LMNB2: variants seen among roughly 807,000 people sequenced by gnomAD.
The protein encoded by LMNB2 is lamin B2.
In LMNB2, 17 loss-of-function variants were observed where a neutral mutation model predicts 69.3. That is an observed-to-expected ratio of 0.25 (90% confidence interval 0.17 to 0.37). The LOEUF (loss-of-function observed/expected upper bound fraction) is 0.37. LMNB2 is among the 10% of genes least tolerant of loss of function. LMNB2 has a pLI of 1.00. For synonymous variants in LMNB2, 397 were observed against 389.3 expected, an observed-to-expected ratio of 1.02 and a Z score of -0.23; for missense variants, 789 against 883.6, an observed-to-expected ratio of 0.89 and a Z score of 1.36.
intron 2 of LMNB2, among the ~76,000 whole-genome samples, chr19:2,440,235 G>C (rs1469463358): frequency 2.7e-5 from 4 of 149,198 alleles, no homozygotes; most frequent in African/African-American, 9.9e-5. Context: ...TTGTTGCCCA[G>C]GCTGGAGTGC....
chr19:2,444,475 C>T lies in LMNB2; in HGVS notation c.330G>A (p.Thr110=), dbSNP rs141214064. The change falls in exon 2 of 12, where the codon ACG becomes ACA. Residue 110 remains threonine (T), a synonymous_variant. Transcript: ENST00000325327. ...LADARRVLDE[T]ARERARLQIE... ...TCTGCAGCCGGGCACGCTCTCGAGCCGTCTCATCCAGGACTCTCCGGGCAT... is the reference window on the plus strand; with the variant it reads ...TCTGCAGCCGGGCACGCTCTCGAGCTGTCTCATCCAGGACTCTCCGGGCAT... 29 of 1,613,606 alleles carry T rather than the reference C, an allele frequency of 1.8e-5. No homozygotes were observed. Among genetic ancestry groups the T allele is most frequent in the Middle Eastern group, 1.6e-4 (1 of 6,062 alleles).
chr19:2,439,953 G>A (rs1257290887), intron 2 of LMNB2, among the ~76,000 whole-genome samples: 3 of 151,862 alleles, frequency 2.0e-5, no homozygotes, highest in East Asian at 1.9e-4. Flanking sequence ...GGCTGGTCTC[G>A]AACTCCCAAC....
chr19:2,448,464 A>G (rs1971984009), intron 1 of LMNB2, among the ~76,000 whole-genome samples: 1 of 152,224 alleles, frequency 6.6e-6, no homozygotes, highest in Non-Finnish European at 1.5e-5. Flanking sequence ...AGCCCGTTCA[A>G]GGTGAGAAAA....
intron 1 of LMNB2, among the ~76,000 whole-genome samples, chr19:2,448,606 G>A (rs9676891): frequency 0.021 from 3,270 of 152,274 alleles, 115 homozygotes; most frequent in African/African-American, 0.074. Flanking sequence ...CCAGCACTTT[G>A]GGAGGCTGAG....
At position 2,430,790 on chromosome 19, in the gene LMNB2, G is replaced by A. The variant is rs566675422; in HGVS notation, c.*121C>T. The stretch of plus-strand genomic sequence containing the variant: ...AGGGCTGGGGGAGACCCACCCACAC[G>A]TTCTGGCAGTTCGCTTAGAAATTCT... On this transcript the variant is annotated 3_prime_UTR_variant, in exon 12 of 12. Coordinates refer to ENST00000325327, the MANE Select transcript of LMNB2 (RefSeq NM_032737.4). The A allele has an allele frequency of 6.3e-4, 508 of 802,456 alleles. No homozygotes were observed. The highest frequency in any genetic ancestry group is 1.0e-3 in the Non-Finnish European group (470 of 451,122). 49.7% of individuals were successfully genotyped at this position (802,456 alleles called of 1,614,324 possible). A position where few individuals can be genotyped will look rare whatever the true frequency, so the allele number is the denominator to read the frequency against.
intron 4 of LMNB2, chr19:2,436,931 G>A (rs957806756): frequency 3.3e-5 from 5 of 152,352 alleles, no homozygotes; most frequent in African/African-American, 1.2e-4. Flanking sequence ...GGTTCCACCT[G>A]GGGCACGTTC....
chr19:2,430,469 C>G lies in LMNB2; in HGVS notation c.*442G>C, dbSNP rs1971725783. 3.5e-6 allele frequency: 1 copy of G among 287,416 alleles called. No individual in the cohort carries two copies. The highest frequency in any genetic ancestry group is 4.8e-5 in the Admixed American group (1 of 21,044). 17.8% of individuals were successfully genotyped at this position (287,416 alleles called of 1,614,324 possible). On this transcript the variant is annotated 3_prime_UTR_variant, in exon 12 of 12. Transcript: ENST00000325327. ...ATGCAGGCTTGGCCCCGGGCCCCACCAGGTCGACGCCTGGATTCTGAATTT... is the reference window on the plus strand; with the variant it reads ...ATGCAGGCTTGGCCCCGGGCCCCACGAGGTCGACGCCTGGATTCTGAATTT...
chr19:2,434,955 C>T lies in LMNB2; in HGVS notation c.856-42G>A, dbSNP rs185183782. Reference sequence around the variant, plus strand: ...GGGTGAGTGCGGGCGCGGGGCGGGGCGGGGTTCCCACCGGCCGCCCCCGCC... The same window carrying T: ...GGGTGAGTGCGGGCGCGGGGCGGGGTGGGGTTCCCACCGGCCGCCCCCGCC... On this transcript the variant is annotated intron_variant, in intron 5 of 11. Transcript: ENST00000325327. The T allele has an allele frequency of 1.6e-3, 2,617 of 1,586,194 alleles. 28 individuals are homozygous for T. The highest frequency in any genetic ancestry group is 0.012 in the East Asian group (545 of 44,092).
intron 1 of LMNB2, among the ~76,000 whole-genome samples, chr19:2,452,209 G>A (rs1391380312): frequency 6.6e-6 from 1 of 152,200 alleles, no homozygotes; most frequent in Non-Finnish European, 1.5e-5. Context: ...ACATGGGAAT[G>A]TGGAACCCAT....
intron 2 of LMNB2, among the ~76,000 whole-genome samples, chr19:2,442,131 T>C: frequency 6.6e-6 from 1 of 152,116 alleles, no homozygotes; most frequent in Non-Finnish European, 1.5e-5. Flanking sequence ...GTTTCTCTCA[T>C]TGTGGGGTTT....
intron 4 of LMNB2, among the ~76,000 whole-genome samples, chr19:2,435,771 T>TCGCA (rs1251743733): frequency 1.3e-5 from 2 of 150,800 alleles, no homozygotes; most frequent in Non-Finnish European, 3.0e-5. Flanking sequence ...TGAGCCAGGA[T>TCGCA]CGCACCATTG....
rs879774158 is a variant in LMNB2, at chr19:2,447,804, G to A, written c.265-3264C>T. ...CAGGACGCACCCCTTGGCAGTGACC[G>A]GGCCTCTTCTGAGGTGGGACCCTCA... On this transcript the variant is annotated intron_variant, in intron 1 of 11. Coordinates refer to ENST00000325327, the MANE Select transcript of LMNB2 (RefSeq NM_032737.4). This position sits in a 1 kb window ranked among gnomAD's most constrained non-coding sequence, Gnocchi z 4.4. Among the ~76,000 whole-genome samples the A allele has an allele frequency of 5.3e-5, 8 of 152,152 alleles. No individual in the cohort carries two copies. The highest frequency in any genetic ancestry group is 1.2e-4 in the African/African-American group (5 of 41,428).
chr19:2,448,031 G>A (rs1971977676), intron 1 of LMNB2, among the ~76,000 whole-genome samples: 2 of 152,196 alleles, frequency 1.3e-5, no homozygotes, highest in East Asian at 1.9e-4. Flanking sequence ...CAGGTCTGCG[G>A]GGACCAATTG....
chr19:2,434,971 C>T (rs368708406), intron 5 of LMNB2, 30 bp downstream of exon 5: 1,110 of 1,592,784 alleles, frequency 7.0e-4, no homozygotes, highest in Non-Finnish European at 8.6e-4. Flanking sequence ...TCCCACCGGC[C>T]GCCCCCGCCC....
Position 2,433,857 on chromosome 19 carries a change from T to G in LMNB2, c.1451A>C (p.Lys484Thr). 6.2e-7 allele frequency: 1 copy of G among 1,613,198 alleles called. No homozygotes were observed. The highest frequency in any genetic ancestry group is 8.5e-7 in the Non-Finnish European group (1 of 1,179,874). ...CGAGTTGTTCTTGAGCTGCACAAAC[T>G]TGCCCTCCAGGTCGATCTCCTCGAT... ...VSIEEIDLEG[K>T]FVQLKNNSDK... Residue 484 changes from lysine to threonine, a missense_variant, in exon 8 of 12, where the codon AAG becomes ACG. Lys to Thr is a moderately conservative substitution (Grantham distance 78). This residue lies in a region of LMNB2 where 609 missense variants were observed against 630.9 expected (regional missense o/e 0.97). Transcript: ENST00000325327.
intron 2 of LMNB2, among the ~76,000 whole-genome samples, chr19:2,444,084 A>G (rs1198672002): frequency 6.6e-6 from 1 of 152,196 alleles, no homozygotes; most frequent in Non-Finnish European, 1.5e-5. Context: ...GGTCTAGGTA[A>G]GCATGTGCAA....
chr19:2,451,454 G>C (rs1002903867), intron 1 of LMNB2, among the ~76,000 whole-genome samples: 2 of 152,208 alleles, frequency 1.3e-5, no homozygotes, highest in African/African-American at 2.4e-5. Flanking sequence ...GAAAAAGTCT[G>C]CTGACCATGC....
chr19:2,432,014 T>C, intron 9 of LMNB2, 112 bp from the exon 10 acceptor site: 2 of 1,372,220 alleles, frequency 1.5e-6, no homozygotes, highest in Non-Finnish European at 9.9e-7. Flanking sequence ...CGTTCAGTCC[T>C]TCCAGCCCGA....
chr19:2,447,586 G>A lies in LMNB2; in HGVS notation c.265-3046C>T, dbSNP rs75181734. On this transcript the variant is annotated intron_variant, in intron 1 of 11. Transcript: ENST00000325327. This position sits in a 1 kb window ranked among gnomAD's most constrained non-coding sequence, Gnocchi z 4.4. ...GGGAATTAACTGCTCCGGCTCTGGC[G>A]CTGAGGAAAAGGAGGACCGGAGGAT... Among the ~76,000 whole-genome samples the A allele has an allele frequency of 0.032, 4,826 of 152,252 alleles. 277 individuals carry two copies. The highest frequency in any genetic ancestry group is 0.11 in the African/African-American group (4,569 of 41,512).
Sources: gnomAD v4.1 joint callset for allele counts (sites outside exome capture counted in the v4.1 genomes callset) on GRCh38, gnomAD v4.1.1 for gene constraint, gnomAD v4.1.1 regional missense constraint, Gnocchi (gnomAD v3.1) non-coding constraint, MANE v1.5 for transcripts, NCBI Gene and HGNC (gene_info 2026-07-23, HGNC 2026-07-21) for gene names.